ADAMTS19: variants seen among roughly 807,000 people sequenced by gnomAD.
The protein encoded by ADAMTS19 is A disintegrin and metalloproteinase with thrombospondin motifs 19.
Under a neutral mutation model 153.3 loss-of-function variants are expected in ADAMTS19, and 93 were observed. The observed-to-expected ratio is 0.61, with a 90% CI of 0.51 to 0.72. The LOEUF (loss-of-function observed/expected upper bound fraction) is 0.72. ADAMTS19 is among the 30% of genes least tolerant of loss of function. ADAMTS19 has a pLI of 0.00. For synonymous variants in ADAMTS19, 600 were observed against 556.6 expected (o/e 1.08, Z -1.10); for missense variants, 1,482 against 1,552.1 (o/e 0.95, Z 0.76).
intron 8 of ADAMTS19, among the ~76,000 whole-genome samples, chr5:129,601,830 C>A (rs1750662746): frequency 6.6e-6 from 1 of 152,212 alleles, no homozygotes. Flanking sequence ...TGACTCCCCA[C>A]AAGGCAAACC....
At chr5:129,639,181 C>T (rs1046010225) in intron 10 of ADAMTS19, among the ~76,000 whole-genome samples, 2 of 152,096 alleles carry the variant, frequency 1.3e-5, no homozygotes, top group Non-Finnish European at 2.9e-5. Context: ...ATATTTGACC[C>T]TTGCCTGTGT....
chr5:129,694,905 T>C, intron 19 of ADAMTS19, 50 bp downstream of exon 19: 3 of 1,436,678 alleles, frequency 2.1e-6, no homozygotes, highest in Non-Finnish European at 2.8e-6. Flanking sequence ...ATTAGATTGC[T>C]GTCCTTTAAA....
At chr5:129,550,935 C>T (rs1218219838) in intron 6 of ADAMTS19, among the ~76,000 whole-genome samples, 1 of 151,592 alleles carries the variant, frequency 6.6e-6, no homozygotes, top group African/African-American at 2.4e-5. Context: ...ACCAAAACAT[C>T]ACAACTAACT....
At chr5:129,675,620 T>C (rs1046254972) in intron 16 of ADAMTS19, among the ~76,000 whole-genome samples, 1 of 152,186 alleles carries the variant, frequency 6.6e-6, no homozygotes, top group Non-Finnish European at 1.5e-5. Context: ...ATTTTTTCTA[T>C]TTCTATTTTA....
intron 9 of ADAMTS19, 141 bp from the exon 10 acceptor site, chr5:129,622,057 G>T (rs988377929): frequency 2.5e-6 from 2 of 795,786 alleles, no homozygotes; most frequent in Non-Finnish European, 4.0e-6. Flanking sequence ...TTGACATATA[G>T]AATAATTTCT....
rs180831634 is a variant in ADAMTS19, at chr5:129,509,010, T to C, written c.748-67T>C. ...TGTTAACAAAAACAGAATGTATGAA[T>C]GGAAGAATCTAAAAGTATTTTTTCA... On this transcript the variant is annotated intron_variant, in intron 2 of 22. Coordinates refer to ENST00000274487, the MANE Select transcript of ADAMTS19 (RefSeq NM_133638.6). 160 of 1,319,760 alleles carry C rather than the reference T, an allele frequency of 1.2e-4. No individual in the cohort carries two copies. The East Asian group carries it at 3.3e-3, about 27-fold the overall frequency. 81.8% of individuals were successfully genotyped at this position (1,319,760 alleles called of 1,614,324 possible). A position where few individuals can be genotyped will look rare whatever the true frequency, so the allele number is the denominator to read the frequency against.
chr5:129,684,653 A>G (rs748288232), intron 18 of ADAMTS19, among the ~76,000 whole-genome samples: 2 of 152,220 alleles, frequency 1.3e-5, no homozygotes, highest in African/African-American at 2.4e-5. Flanking sequence ...TAAATTCCAA[A>G]GTACACCTGC....
chr5:129,721,485 C>G (rs1030506471), intron 21 of ADAMTS19, among the ~76,000 whole-genome samples: 11 of 152,284 alleles, frequency 7.2e-5, no homozygotes, highest in Non-Finnish European at 1.5e-4. Flanking sequence ...CTTGAACATA[C>G]TGGAGCTATG....
At chr5:129,561,819 A>ACTATCTAT (rs3071537) in intron 7 of ADAMTS19, among the ~76,000 whole-genome samples, 10,395 of 148,106 alleles carry the variant, frequency 0.07, 381 homozygotes, top group Non-Finnish European at 0.079. Context: ...ATTTCACCCT[A>ACTATCTAT]CTATCTATCT....
intron 18 of ADAMTS19, among the ~76,000 whole-genome samples, chr5:129,692,020 G>A (rs936662321): frequency 6.6e-6 from 1 of 152,096 alleles, no homozygotes; most frequent in Non-Finnish European, 1.5e-5. Flanking sequence ...TTGGCAAAAT[G>A]TCATCATTTA....
At chr5:129,563,564 T>C (rs1242037105) in intron 7 of ADAMTS19, among the ~76,000 whole-genome samples, 1 of 152,218 alleles carries the variant, frequency 6.6e-6, no homozygotes, top group East Asian at 1.9e-4. Flanking sequence ...CCACTCAGTC[T>C]AGTGGGACAT....
intron 8 of ADAMTS19, among the ~76,000 whole-genome samples, chr5:129,608,628 G>C (rs1333918399): frequency 2.0e-5 from 3 of 152,000 alleles, no homozygotes; most frequent in Non-Finnish European, 2.9e-5. Flanking sequence ...GAACTAAATA[G>C]AGACCAGTTA....
At chr5:129,593,957 T>A (rs1358159416) in intron 7 of ADAMTS19, among the ~76,000 whole-genome samples, 1 of 152,176 alleles carries the variant, frequency 6.6e-6, no homozygotes, top group Non-Finnish European at 1.5e-5. Context: ...TTGACCTATA[T>A]ATCAAATAAT....
intron 15 of ADAMTS19, among the ~76,000 whole-genome samples, 171 bp from the exon 16 acceptor site, chr5:129,665,327 GA>G (rs1753996271): frequency 6.6e-6 from 1 of 151,492 alleles, no homozygotes; most frequent in Non-Finnish European, 1.5e-5. Flanking sequence ...ATGTTTCCAA[GA>G]AACTTCACTG....
intron 7 of ADAMTS19, among the ~76,000 whole-genome samples, chr5:129,583,083 G>A (rs998030829): frequency 1.3e-5 from 2 of 152,044 alleles, no homozygotes; most frequent in African/African-American, 4.8e-5. Flanking sequence ...CTTCTTTCAG[G>A]AGCTCTTGTA....
intron 2 of ADAMTS19, among the ~76,000 whole-genome samples, chr5:129,485,926 G>A (rs1750575285): frequency 6.6e-6 from 1 of 152,014 alleles, no homozygotes; most frequent in South Asian, 2.1e-4. Flanking sequence ...GAGTAGCTGG[G>A]ATTACAGACG....
chr5:129,465,423 G>C (rs12652974), intron 2 of ADAMTS19, among the ~76,000 whole-genome samples: 1 of 147,548 alleles, frequency 6.8e-6, no homozygotes, highest in African/African-American at 2.5e-5. Context: ...AGACTACTTA[G>C]ATTATTTTTT....
At chr5:129,690,651 GT>G (rs1755292111) in intron 18 of ADAMTS19, among the ~76,000 whole-genome samples, 1 of 152,022 alleles carries the variant, frequency 6.6e-6, no homozygotes, top group Non-Finnish European at 1.5e-5. Context: ...TTTGAAAGTC[GT>G]TTAAGTTAAA....
rs557351148 is a variant in ADAMTS19, at chr5:129,668,912, G to A, written c.2506+3333G>A. Among the ~76,000 whole-genome samples, 18 of 152,016 alleles carry A rather than the reference G, an allele frequency of 1.2e-4. No homozygotes were observed. In the East Asian group the frequency reaches 2.7e-3, roughly 23 times the overall value. ...AAAATTCATGTGAAATTTTATATAC[G>A]GAAGTGACCCTGAATAGTCAAACCA... On this transcript the variant is annotated intron_variant, in intron 16 of 22. Transcript: ENST00000274487.
Sources: gnomAD v4.1 joint callset for allele counts (sites outside exome capture counted in the v4.1 genomes callset) on GRCh38, gnomAD v4.1.1 for gene constraint, MANE v1.5 for transcripts, NCBI Gene and HGNC (gene_info 2026-07-23, HGNC 2026-07-21) for gene names.